The following EBF3 variants were observed in gnomAD, a reference collection of about 807,000 sequenced individuals.
EBF3 encodes the protein EBF transcription factor 3, also known as transcription factor COE3.
In EBF3, 18 loss-of-function variants were observed where a neutral mutation model predicts 77.1. That is an observed-to-expected ratio of 0.23 (90% CI 0.16 to 0.35). The LOEUF (loss-of-function observed/expected upper bound fraction) is 0.35, where lower values mean the gene tolerates loss of function less well. Ranked by LOEUF, EBF3 falls within the 10% of genes least tolerant of loss-of-function variation. The pLI is 1.00. For missense variants in EBF3, 558 were observed against 860.0 expected (o/e 0.65, Z 4.39); for synonymous variants, 350 against 343.5 (o/e 1.02, Z -0.21).
chr10:129,942,187 A>G (rs1463435099), intron 6 of EBF3, among the ~76,000 whole-genome samples: 1 of 152,184 alleles, frequency 6.6e-6, no homozygotes, highest in Non-Finnish European at 1.5e-5. Flanking sequence ...TAGGAAGATA[A>G]AAATTGTGCT....
intron 6 of EBF3, among the ~76,000 whole-genome samples, chr10:129,886,629 C>A (rs868669628): frequency 1.2e-4 from 18 of 152,150 alleles, no homozygotes; most frequent in African/African-American, 1.7e-4. Context: ...ATCTGTTCTG[C>A]GGCCCTCTGG....
At chr10:129,922,616 C>T (rs765824922) in intron 6 of EBF3, among the ~76,000 whole-genome samples, 20 of 152,232 alleles carry the variant, frequency 1.3e-4, no homozygotes, top group Non-Finnish European at 1.9e-4. Context: ...CGGCTCTCGC[C>T]GTCCTTGCAC....
chr10:129,957,401 TCTGACG>T, intron 5 of EBF3, 75 bp from the exon 6 acceptor site: 6 of 1,263,060 alleles, frequency 4.8e-6, no homozygotes, highest in Non-Finnish European at 4.4e-6. Context: ...TTTTTTTTTT[TCTGACG>T]TCTGACAATG....
chr10:129,877,724 G>A, intron 7 of EBF3, 44 bp downstream of exon 7: 1 of 1,544,318 alleles, frequency 6.5e-7, no homozygotes, highest in South Asian at 1.2e-5. Flanking sequence ...AATTTGGTAT[G>A]AAAAGTCAGG....
intron 6 of EBF3, among the ~76,000 whole-genome samples, chr10:129,918,698 C>A (rs1233113995): frequency 1.3e-5 from 2 of 152,204 alleles, no homozygotes; most frequent in African/African-American, 4.8e-5. Flanking sequence ...AGGAGTGAAG[C>A]CCAGATGCGC....
rs545962810 is a variant in EBF3 at position 129,941,734 on chromosome 10, G to A, written c.554+15524C>T. 2.2e-3 allele frequency among the ~76,000 whole-genome samples: 337 copies of A among 152,370 alleles called. 2 individuals carry two copies. Among genetic ancestry groups the A allele is most frequent in the Admixed American group, 4.3e-3 (66 of 15,310 alleles). On this transcript the variant is annotated intron_variant, in intron 6 of 16. Transcript: ENST00000440978. Reference sequence around the variant, plus strand: ...CAAGGCAGAGGCAGGAACCCCTCAAGGAGGCAGAGCTTGGGGACAGGACCA... The same window carrying A: ...CAAGGCAGAGGCAGGAACCCCTCAAAGAGGCAGAGCTTGGGGACAGGACCA...
intron 6 of EBF3, among the ~76,000 whole-genome samples, chr10:129,912,434 G>A (rs1156440679): frequency 6.6e-6 from 1 of 152,014 alleles, no homozygotes; most frequent in East Asian, 1.9e-4. Flanking sequence ...GGTCTCAGAG[G>A]GGAAAAAACA....
chr10:129,957,056 T>TA (rs1163795609), intron 6 of EBF3, among the ~76,000 whole-genome samples: 2 of 152,112 alleles, frequency 1.3e-5, no homozygotes, highest in Admixed American at 6.5e-5. Context: ...CACAAGCAAT[T>TA]ACTGAATCCC....
In EBF3 at chr10:129,869,185, G is replaced by A. The variant is rs1398053183; in HGVS notation, c.782-1273C>T. Reference sequence around the variant, plus strand: ...ACTAAGCCCTGGGACACCCAGAGGTGGCATCCCTTCTTTGTCCTGCCTTAG... The same window carrying A: ...ACTAAGCCCTGGGACACCCAGAGGTAGCATCCCTTCTTTGTCCTGCCTTAG... On this transcript the variant is annotated intron_variant, in intron 8 of 16. Coordinates refer to ENST00000440978, the MANE Select transcript of EBF3 (RefSeq NM_001375380.1). 2.0e-5 allele frequency among the ~76,000 whole-genome samples: 3 copies of A among 152,180 alleles called. 1 individual carries two copies. Among genetic ancestry groups the A allele is most frequent in the Non-Finnish European group, 4.4e-5 (3 of 68,026 alleles).
Position 129,863,602 on chromosome 10 carries a change from G to A in EBF3, c.1039+3539C>T, listed in dbSNP as rs989327765. Among the ~76,000 whole-genome samples the A allele has an allele frequency of 6.6e-6, 1 of 152,204 alleles. No individual in the cohort carries two copies. Among genetic ancestry groups the A allele is most frequent in the African/African-American group, 2.4e-5 (1 of 41,454 alleles). ...GGAAGGTTAAATGTGAGGGTGTCCC[G>A]GCAGCCTCCGGGGCTGGGGGACACT... On this transcript the variant is annotated intron_variant, in intron 10 of 16. Transcript: ENST00000440978. The surrounding 1 kb of genome is among the most constrained non-coding windows in gnomAD (Gnocchi z 4.0).
At chr10:129,960,159 G>C (rs1346146963) in intron 4 of EBF3, among the ~76,000 whole-genome samples, 2 of 151,856 alleles carry the variant, frequency 1.3e-5, no homozygotes, top group African/African-American at 4.8e-5. Context: ...GGCTGGGGCC[G>C]GGAGCTCCAA....
intron 6 of EBF3, among the ~76,000 whole-genome samples, chr10:129,923,496 G>C (rs144235003): frequency 5.6e-4 from 85 of 152,322 alleles, no homozygotes; most frequent in African/African-American, 1.9e-3. Flanking sequence ...CACACATATG[G>C]TGAAGAGATT....
At chr10:129,960,352 G>A (rs1349041138) in intron 4 of EBF3, among the ~76,000 whole-genome samples, 1 of 152,182 alleles carries the variant, frequency 6.6e-6, no homozygotes, top group Non-Finnish European at 1.5e-5. Flanking sequence ...CTGGGAAGAG[G>A]GAAGGTTCCC....
At position 129,873,446 on chromosome 10, in the gene EBF3, G is replaced by T. The variant is rs765837180; in HGVS notation, c.781+6C>A. The stretch of plus-strand genomic sequence containing the variant: ...AAATAAAAAAAGACATGTAACATGT[G>T]CCTACCATTTTCCAGATAAGAAGGG... On this transcript the variant is annotated splice_donor_region_variant and intron_variant, in intron 8 of 16. Coordinates refer to ENST00000440978, the MANE Select transcript of EBF3 (RefSeq NM_001375380.1). 1 of 1,524,606 alleles carries T rather than the reference G, an allele frequency of 6.6e-7. No homozygotes were observed. The highest frequency in any genetic ancestry group is 2.4e-5 in the East Asian group (1 of 42,118). 94.4% of individuals were successfully genotyped at this position (1,524,606 alleles called of 1,614,324 possible). A position where few individuals can be genotyped will look rare whatever the true frequency, so the allele number is the denominator to read the frequency against.
At chr10:129,858,466 G>A (rs2134025510) in intron 10 of EBF3, among the ~76,000 whole-genome samples, 1 of 152,340 alleles carries the variant, frequency 6.6e-6, no homozygotes, top group Admixed American at 6.5e-5. Flanking sequence ...ACAGGCCTAA[G>A]CTTGGGTGGG....
chr10:129,840,282 A>G lies in EBF3; in HGVS notation c.1722T>C (p.Pro574=). The change falls in exon 15 of 17, where the codon CCT becomes CCC. Residue 574 remains proline (P), a synonymous_variant. Transcript: ENST00000440978. ...APVVRPQASP[P]PSCTSANGNG... Reference sequence around the variant, plus strand: ...TCCCGTTGGCGCTGGTGCAGGAAGGAGGAGGAGAGGCTTGGGGCCGGACCA... The same window carrying G: ...TCCCGTTGGCGCTGGTGCAGGAAGGGGGAGGAGAGGCTTGGGGCCGGACCA... The G allele has an allele frequency of 6.3e-7, 1 of 1,593,260 alleles. No individual in the cohort carries two copies. Among genetic ancestry groups the G allele is most frequent in the East Asian group, 2.3e-5 (1 of 44,100 alleles).
chr10:129,931,019 T>C (rs962097043), intron 6 of EBF3, among the ~76,000 whole-genome samples: 1 of 151,276 alleles, frequency 6.6e-6, no homozygotes, highest in Non-Finnish European at 1.5e-5. Flanking sequence ...TATACCTATA[T>C]CTGTCTATAT....
At position 129,877,631 on chromosome 10, in the gene EBF3, T is replaced by C. The variant is rs560001169; in HGVS notation, c.636+137A>G. 15 of 666,184 alleles carry C rather than the reference T, an allele frequency of 2.3e-5. No individual in the cohort carries two copies. The East Asian group carries it at 3.3e-4, about 15-fold the overall frequency. The allele number at this position is 666,184 out of a possible 1,614,324, so 41.3% of individuals were successfully genotyped here. On this transcript the variant is annotated intron_variant, in intron 7 of 16. Transcript: ENST00000440978. The stretch of plus-strand genomic sequence containing the variant: ...AAAGCATTTTATTTGCATATTTTTA[T>C]CAAATGCACCAATTCCAGTTTGCTT...
rs892595201 is a variant in EBF3 at position 129,879,039 on chromosome 10, AGT to A, written c.555-1192_555-1191del. On this transcript the variant is annotated intron_variant, in intron 6 of 16. Transcript: ENST00000440978. The surrounding 1 kb of genome is among the most constrained non-coding windows in gnomAD (Gnocchi z 4.7). Reference sequence around the variant, plus strand: ...GGCATGAAGATTCAGGGGTCCTGACAGTGTGTTGAGATGCTGTGACTAAAACG... The same window carrying A: ...GGCATGAAGATTCAGGGGTCCTGACAGTGTTGAGATGCTGTGACTAAAACG... 1.1e-4 allele frequency among the ~76,000 whole-genome samples: 17 copies of A among 152,048 alleles called. No individual in the cohort carries two copies. The highest frequency in any genetic ancestry group is 2.9e-5 in the Non-Finnish European group (2 of 68,014).
Sources: allele counts gnomAD v4.1 joint callset (sites outside exome capture counted in the v4.1 genomes callset), GRCh38; gene constraint gnomAD v4.1.1; non-coding constraint Gnocchi (gnomAD v3.1); transcripts MANE v1.5; gene names NCBI Gene and HGNC (gene_info 2026-07-23, HGNC 2026-07-21).